CATSPERE: variants seen among roughly 807,000 people sequenced by gnomAD.
CATSPERE encodes catsper channel auxiliary subunit epsilon.
A neutral mutation model predicts 114.1 loss-of-function variants in CATSPERE; 93 were observed. That is an observed-to-expected ratio of 0.81 (90% CI 0.69 to 0.97). The LOEUF (loss-of-function observed/expected upper bound fraction) is 0.97, where lower values mean the gene tolerates loss of function less well. CATSPERE is among the 50% of genes least tolerant of loss of function. CATSPERE has a pLI of 0.00. For synonymous variants in CATSPERE, 341 were observed against 384.1 expected (o/e 0.89, Z 1.31); for missense variants, 1,058 against 1,131.6 (o/e 0.93, Z 0.93).
At chr1:244,618,592 C>T (rs1407835784) in intron 20 of CATSPERE, among the ~76,000 whole-genome samples, 1 of 51,416 alleles carries the variant, frequency 1.9e-5, no homozygotes, top group African/African-American at 6.9e-5. Flanking sequence ...ACCAGCTTGA[C>T]CAATATGGAG....
At chr1:244,619,949 T>A (rs976807625) in intron 20 of CATSPERE, among the ~76,000 whole-genome samples, 1 of 152,180 alleles carries the variant, frequency 6.6e-6, no homozygotes, top group Non-Finnish European at 1.5e-5. Context: ...CTTTAATATA[T>A]CTTTCTCAGA....
chr1:244,572,513 AG>A lies in CATSPERE; in HGVS notation c.1693del (p.Asp565ThrfsTer11). The part of the protein sequence containing the change: ...YALDDGTIQI[Q>X]DYPLHLEAQS... ...TTGGATGATGGCACAATACAAATACAGGACTATCCCTTACATCTGGAAGCAC... is the reference window on the plus strand; with the variant it reads ...TTGGATGATGGCACAATACAAATACAGACTATCCCTTACATCTGGAAGCAC... On this transcript the variant is annotated frameshift_variant, in exon 11 of 22. Coordinates refer to ENST00000366534, the MANE Select transcript of CATSPERE (RefSeq NM_001130957.2). LOFTEE classifies it high-confidence loss of function. 1 of 1,614,152 alleles carries A rather than the reference AG, an allele frequency of 6.2e-7. No individual in the cohort carries two copies. Among genetic ancestry groups the A allele is most frequent in the Non-Finnish European group, 8.5e-7 (1 of 1,179,984 alleles).
intron 5 of CATSPERE, among the ~76,000 whole-genome samples, chr1:244,487,113 C>G (rs1271095786): frequency 6.6e-6 from 1 of 151,066 alleles, no homozygotes; most frequent in Non-Finnish European, 1.5e-5. Context: ...CCCTCGTAGT[C>G]ACCTGGTGGG....
rs1295968114 is a variant in CATSPERE, at chr1:244,572,435, C to T, written c.1613C>T (p.Thr538Ile). 3 of 1,610,534 alleles carry T rather than the reference C, an allele frequency of 1.9e-6. No homozygotes were observed. Among genetic ancestry groups the T allele is most frequent in the Non-Finnish European group, 1.7e-6 (2 of 1,176,816 alleles). ...VKLHLWTNYTTRAFIFLSTSG... is the reference protein window; with the variant it reads ...VKLHLWTNYTIRAFIFLSTSG... ...CTGCATTTATGGACAAATTACACAA[C>T]AAGAGCATTCATTTTCTTAAGTACA... is the stretch of plus-strand genomic sequence containing the variant. Residue 538 changes from threonine (T) to isoleucine (I), a missense_variant, in exon 11 of 22, where the codon ACA becomes ATA. This residue lies in a region of CATSPERE where 787 missense variants were observed against 905.6 expected (regional missense o/e 0.87). Transcript: ENST00000366534.
At chr1:244,490,271 A>T (rs1471472463) in intron 5 of CATSPERE, among the ~76,000 whole-genome samples, 176 bp from the exon 6 acceptor site, 3 of 152,246 alleles carry the variant, frequency 2.0e-5, no homozygotes, top group Non-Finnish European at 4.4e-5. Context: ...AACGATATTG[A>T]TAAATAAATA....
chr1:244,454,973 A>C (rs1282036366), intron 1 of CATSPERE, among the ~76,000 whole-genome samples: 1 of 152,110 alleles, frequency 6.6e-6, no homozygotes, highest in African/African-American at 2.4e-5. Context: ...GACCATGTGG[A>C]GATACTTTCT....
At chr1:244,514,605 G>A (rs1284515502) in intron 7 of CATSPERE, among the ~76,000 whole-genome samples, 1 of 152,098 alleles carries the variant, frequency 6.6e-6, no homozygotes, top group Admixed American at 6.6e-5. Context: ...CGAGGCGGGT[G>A]GATCACGAGG....
chr1:244,633,103 G>A lies in CATSPERE; in HGVS notation c.2649-2386G>A, dbSNP rs1402535374. ...TAAATGTGGATTTACCTTTAAAACA[G>A]CTTCAAAATACATGAAACAAAAACG... On this transcript the variant is annotated intron_variant, in intron 20 of 21. Transcript: ENST00000366534. This position sits in a 1 kb window ranked among gnomAD's most constrained non-coding sequence, Gnocchi z 4.1. Among the ~76,000 whole-genome samples the A allele has an allele frequency of 6.6e-6, 1 of 152,136 alleles. No individual in the cohort carries two copies. Among genetic ancestry groups the A allele is most frequent in the Non-Finnish European group, 1.5e-5 (1 of 68,040 alleles).
intron 10 of CATSPERE, among the ~76,000 whole-genome samples, chr1:244,569,992 T>A (rs1664198598): frequency 6.6e-6 from 1 of 152,216 alleles, no homozygotes; most frequent in African/African-American, 2.4e-5. Flanking sequence ...TGTTTTTTCA[T>A]GAATATTTTC....
At chr1:244,595,252 G>GA (rs1262689068) in intron 17 of CATSPERE, among the ~76,000 whole-genome samples, 4 of 152,192 alleles carry the variant, frequency 2.6e-5, no homozygotes, top group Admixed American at 2.6e-4. Context: ...GATATGCTGA[G>GA]TGTAATGACA....
chr1:244,626,542 G>T (rs1043251006), intron 20 of CATSPERE, among the ~76,000 whole-genome samples: 5 of 150,158 alleles, frequency 3.3e-5, no homozygotes, highest in African/African-American at 1.2e-4. Flanking sequence ...ACAGAAGGCT[G>T]CTTCATCCAC....
chr1:244,588,024 G>T (rs1445436654), intron 13 of CATSPERE, among the ~76,000 whole-genome samples: 2 of 151,974 alleles, frequency 1.3e-5, no homozygotes, highest in Non-Finnish European at 2.9e-5. Flanking sequence ...GTGAAACCCT[G>T]TCTCTACTAA....
intron 21 of CATSPERE, among the ~76,000 whole-genome samples, chr1:244,638,791 A>T (rs1674971108): frequency 6.6e-6 from 1 of 152,206 alleles, no homozygotes; most frequent in South Asian, 2.1e-4. Context: ...CATCTTAATA[A>T]TCACCAAGAT....
chr1:244,609,390 G>T (rs958514336), intron 18 of CATSPERE, among the ~76,000 whole-genome samples: 1 of 149,142 alleles, frequency 6.7e-6, no homozygotes, highest in Admixed American at 6.7e-5. Context: ...TCACTCTGTC[G>T]CCCGGTCTGG....
chr1:244,528,949 C>T (rs893039345), intron 8 of CATSPERE, among the ~76,000 whole-genome samples: 1 of 152,066 alleles, frequency 6.6e-6, no homozygotes, highest in Non-Finnish European at 1.5e-5. Context: ...TTGTGCCTGG[C>T]TTATTTCACT....
rs77111145 is a variant in CATSPERE at position 244,513,944 on chromosome 1, G to A, written c.430-4648G>A. On this transcript the variant is annotated intron_variant, in intron 7 of 21. Transcript: ENST00000366534. ...ACTCATTTTTTAATTAGGTTGTTTG[G>A]TGTTATTTTTTATTGCTCAGGTTTA... Among the ~76,000 whole-genome samples, 214 of 152,254 alleles carry A rather than the reference G, an allele frequency of 1.4e-3. 3 individuals are homozygous for A. In the East Asian group the frequency reaches 0.028, roughly 20 times the overall value.
chr1:244,507,398 T>C (rs1420067326), intron 7 of CATSPERE, among the ~76,000 whole-genome samples: 1 of 152,246 alleles, frequency 6.6e-6, no homozygotes, highest in African/African-American at 2.4e-5. Context: ...ACCTATCAGA[T>C]GAATAGTTTG....
chr1:244,525,089 CA>C, intron 8 of CATSPERE, among the ~76,000 whole-genome samples: 1 of 145,216 alleles, frequency 6.9e-6, no homozygotes, highest in East Asian at 2.0e-4. Context: ...GGAACCAACC[CA>C]AATGTCCAAC....
intron 20 of CATSPERE, among the ~76,000 whole-genome samples, chr1:244,621,103 T>TAGTATA (rs1558609384): frequency 2.1e-4 from 5 of 24,210 alleles, no homozygotes; most frequent in African/African-American, 5.6e-4. Flanking sequence ...AAAATATATA[T>TAGTATA]AAATATATAT....
Sources: allele counts gnomAD v4.1 joint callset (sites outside exome capture counted in the v4.1 genomes callset), GRCh38; gene constraint gnomAD v4.1.1; regional missense constraint gnomAD v4.1.1; non-coding constraint Gnocchi (gnomAD v3.1); transcripts MANE v1.5; gene names NCBI Gene and HGNC (gene_info 2026-07-23, HGNC 2026-07-21).